The following ZBTB8A variants were observed in gnomAD, a reference collection of about 807,000 sequenced individuals.
The protein encoded by ZBTB8A is zinc finger and BTB domain containing 8A.
ZBTB8A carries 19 observed loss-of-function variants against 37.8 expected under a neutral mutation model. The ratio of observed to expected loss-of-function variants is 0.50; its 90% CI spans 0.35 to 0.74. The LOEUF is 0.74. Among genes scored for constraint, ZBTB8A ranks in the 30% least tolerant of loss-of-function variants. ZBTB8A has a pLI of 0.01. For synonymous variants in ZBTB8A, 181 were observed against 185.2 expected, an observed-to-expected ratio of 0.98 and a Z score of 0.19; for missense variants, 394 against 537.8, an observed-to-expected ratio of 0.73 and a Z score of 2.65.
rs1390601487 is a variant in ZBTB8A, at chr1:32,600,703, G to A, written c.*284G>A. On this transcript the variant is annotated 3_prime_UTR_variant, in exon 5 of 5. Transcript: ENST00000373510. ...TACAATCCTCTTACTTTATTCCAGA[G>A]ATACCTTTTTCTTTTAATATTGGAG... 7.6e-6 allele frequency: 2 copies of A among 261,716 alleles called. No homozygotes were observed. The highest frequency in any genetic ancestry group is 1.4e-5 in the Non-Finnish European group (2 of 138,672). The allele number at this position is 261,716 out of a possible 1,614,324, so 16.2% of individuals were successfully genotyped here.
chr1:32,567,159 A>C (rs1272252455), intron 2 of ZBTB8A, among the ~76,000 whole-genome samples: 4 of 152,162 alleles, frequency 2.6e-5, no homozygotes, highest in Admixed American at 2.6e-4. Flanking sequence ...TGATGGCAAA[A>C]GGCACAGGGG....
chr1:32,564,806 G>A (rs1448634641), intron 2 of ZBTB8A, among the ~76,000 whole-genome samples: 2 of 152,012 alleles, frequency 1.3e-5, no homozygotes, highest in Non-Finnish European at 2.9e-5. Context: ...AGGAACACAT[G>A]TAGTATATCA....
At chr1:32,549,822 T>C (rs1356958134) in intron 1 of ZBTB8A, among the ~76,000 whole-genome samples, 2 of 152,208 alleles carry the variant, frequency 1.3e-5, no homozygotes, top group East Asian at 3.8e-4. Context: ...CTTCACCATG[T>C]TTGTCTTTTG....
chr1:32,591,023 A>T (rs914792467), intron 2 of ZBTB8A, among the ~76,000 whole-genome samples: 1 of 149,974 alleles, frequency 6.7e-6, no homozygotes, highest in Non-Finnish European at 1.5e-5. Flanking sequence ...CCTCCCAAAT[A>T]ACTGGGATTA....
chr1:32,585,880 A>G lies in ZBTB8A; in HGVS notation c.-1-7051A>G, dbSNP rs550449433. ...CAGCCGGGCGTGGTGGCGGGCTCCT[A>G]TAGTCCCAGCTACTCAGGAGGCTGA... On this transcript the variant is annotated intron_variant, in intron 2 of 4. Transcript: ENST00000373510. Among the ~76,000 whole-genome samples the G allele has an allele frequency of 2.3e-3, 350 of 151,674 alleles. 1 individual carries two copies. The highest frequency in any genetic ancestry group is 6.7e-3 in the South Asian group (32 of 4,808).
At chr1:32,567,685 G>A (rs983045675) in intron 2 of ZBTB8A, among the ~76,000 whole-genome samples, 9 of 149,118 alleles carry the variant, frequency 6.0e-5, no homozygotes, top group Admixed American at 6.8e-5. Context: ...CCAGCTACTC[G>A]GGAGGCTGAG....
chr1:32,567,825 A>C (rs201714825), intron 2 of ZBTB8A, among the ~76,000 whole-genome samples: 1 of 63,676 alleles, frequency 1.6e-5, no homozygotes. Flanking sequence ...AAAAAAAAAC[A>C]AAAACAAAAC....
At position 32,587,743 on chromosome 1, in the gene ZBTB8A, A is replaced by G. The variant is rs552693916; in HGVS notation, c.-1-5188A>G. The stretch of plus-strand genomic sequence containing the variant: ...AATCTCCAAAGTGATATCTTTTTGT[A>G]TGCTCGTGAATTGACTGCTGGCTGG... On this transcript the variant is annotated intron_variant, in intron 2 of 4. Coordinates refer to ENST00000373510, the MANE Select transcript of ZBTB8A (RefSeq NM_001040441.3). Among the ~76,000 whole-genome samples, 47 of 152,162 alleles carry G rather than the reference A, an allele frequency of 3.1e-4. 1 individual carries two copies. The highest frequency in any genetic ancestry group is 1.1e-3 in the African/African-American group (44 of 41,450).
At position 32,600,678 on chromosome 1, in the gene ZBTB8A, T is replaced by C; in HGVS notation, c.*259T>C. 1 of 364,926 alleles carries C rather than the reference T, an allele frequency of 2.7e-6. No individual in the cohort carries two copies. The highest frequency in any genetic ancestry group is 5.0e-6 in the Non-Finnish European group (1 of 201,352). The allele number at this position is 364,926 out of a possible 1,614,324, so 22.6% of individuals were successfully genotyped here. ...TGAACAATTATCCTCTTACTTTCATTACAATCCTCTTACTTTATTCCAGAG... is the reference window on the plus strand; with the variant it reads ...TGAACAATTATCCTCTTACTTTCATCACAATCCTCTTACTTTATTCCAGAG... On this transcript the variant is annotated 3_prime_UTR_variant, in exon 5 of 5. Coordinates refer to ENST00000373510, the MANE Select transcript of ZBTB8A (RefSeq NM_001040441.3).
intron 1 of ZBTB8A, among the ~76,000 whole-genome samples, chr1:32,546,735 C>G (rs1208406324): frequency 6.6e-6 from 1 of 152,134 alleles, no homozygotes; most frequent in Non-Finnish European, 1.5e-5. Context: ...GTTTTTCTGA[C>G]CCTTCAGAAA....
chr1:32,571,677 C>G (rs1277576709), intron 2 of ZBTB8A, among the ~76,000 whole-genome samples: 2 of 151,482 alleles, frequency 1.3e-5, no homozygotes, highest in Non-Finnish European at 2.9e-5. Context: ...TGGGTTCAAG[C>G]AATTCTCCTG....
Position 32,593,087 on chromosome 1 carries a change from T to C in ZBTB8A, c.156T>C (p.Leu52=). ...LFASSGYFKM[L]LSQNSKETSQ... The stretch of plus-strand genomic sequence containing the variant: ...CTAGTAGCGGCTACTTTAAAATGCT[T>C]CTTTCTCAGAATTCAAAGGAGACGA... Residue 52 remains leucine (L), a synonymous_variant, in exon 3 of 5, where the codon CTT becomes CTC. Coordinates refer to ENST00000373510, the MANE Select transcript of ZBTB8A (RefSeq NM_001040441.3). The C allele has an allele frequency of 1.2e-6, 2 of 1,614,164 alleles. No individual in the cohort carries two copies. Among genetic ancestry groups the C allele is most frequent in the Non-Finnish European group, 1.7e-6 (2 of 1,180,040 alleles).
chr1:32,548,137 T>TAAAAAAAA (rs770998213), intron 1 of ZBTB8A, among the ~76,000 whole-genome samples: 2 of 65,764 alleles, frequency 3.0e-5, no homozygotes, highest in African/African-American at 5.9e-5. Flanking sequence ...CGTCTCAAAT[T>TAAAAAAAA]AAAAAAAAAA....
chr1:32,584,576 A>G (rs1243270579), intron 2 of ZBTB8A, among the ~76,000 whole-genome samples: 1 of 150,664 alleles, frequency 6.6e-6, no homozygotes, highest in African/African-American at 2.4e-5. Context: ...CAGTGGCACA[A>G]ACAAGGATCA....
chr1:32,581,119 A>G (rs1644400058), intron 2 of ZBTB8A, among the ~76,000 whole-genome samples: 2 of 33,558 alleles, frequency 6.0e-5, no homozygotes, highest in African/African-American at 8.8e-5. Context: ...AATATATAAT[A>G]TATATAACTA....
chr1:32,603,194 G>T lies in ZBTB8A; in HGVS notation c.*2775G>T, dbSNP rs993821292. 3 of 152,288 alleles carry T rather than the reference G, an allele frequency of 2.0e-5. No individual in the cohort carries two copies. The highest frequency in any genetic ancestry group is 7.2e-5 in the African/African-American group (3 of 41,410). 9.4% of individuals were successfully genotyped at this position (152,288 alleles called of 1,614,324 possible). A position where few individuals can be genotyped will look rare whatever the true frequency, so the allele number is the denominator to read the frequency against. On this transcript the variant is annotated 3_prime_UTR_variant, in exon 5 of 5. Coordinates refer to ENST00000373510, the MANE Select transcript of ZBTB8A (RefSeq NM_001040441.3). ...TGTCCAAGCTGGAGTGCAGTGGCGT[G>T]ATCTCGCTCACCACAACCTCTGCCT...
chr1:32,597,781 G>A lies in ZBTB8A; in HGVS notation c.994-2306G>A, dbSNP rs941948251. Among the ~76,000 whole-genome samples, 7 of 152,092 alleles carry A rather than the reference G, an allele frequency of 4.6e-5. No individual in the cohort carries two copies. In the South Asian group the frequency reaches 1.4e-3, roughly 32 times the overall value. ...TGTTTGTTTTTTGAGACAGAGTCTC[G>A]TTCTGTCATCCAGGCTGGAGTGCAG... On this transcript the variant is annotated intron_variant, in intron 4 of 4. Transcript: ENST00000373510.
chr1:32,591,195 C>T lies in ZBTB8A; in HGVS notation c.-1-1736C>T, dbSNP rs556170158. ...AAGTGCTAGGATTACAGGTGTGAGC[C>T]ACCACTCCCGGCCTAATTTAACTTT... On this transcript the variant is annotated intron_variant, in intron 2 of 4. Coordinates refer to ENST00000373510, the MANE Select transcript of ZBTB8A (RefSeq NM_001040441.3). Among the ~76,000 whole-genome samples the T allele has an allele frequency of 2.3e-4, 35 of 151,504 alleles. No homozygotes were observed. In the South Asian group the frequency reaches 5.6e-3, roughly 24 times the overall value.
chr1:32,595,352 C>G (rs1644522133), intron 4 of ZBTB8A, 129 bp downstream of exon 4: 1 of 882,702 alleles, frequency 1.1e-6, no homozygotes, highest in Admixed American at 2.5e-5. Flanking sequence ...GCTGCAACCT[C>G]TGCCTCCCGG....
Sources: gnomAD v4.1 joint callset for allele counts (sites outside exome capture counted in the v4.1 genomes callset) on GRCh38, gnomAD v4.1.1 for gene constraint, MANE v1.5 for transcripts, NCBI Gene and HGNC (gene_info 2026-07-23, HGNC 2026-07-21) for gene names.